F11R: variants seen among roughly 807,000 people sequenced by gnomAD.
F11R encodes the protein F11 receptor, also known as junctional adhesion molecule A.
Under a neutral mutation model 39.3 loss-of-function variants are expected in F11R, and 27 were observed. That is an observed-to-expected ratio of 0.69 (90% confidence interval 0.51 to 0.95). F11R has a LOEUF of 0.95. Among genes scored for constraint, F11R ranks in the 40% least tolerant of loss-of-function variants. The pLI is 0.00. For missense variants in F11R, 335 were observed against 372.7 expected (o/e 0.90, Z 0.83); for synonymous variants, 131 against 144.9 (o/e 0.90, Z 0.69).
intron 1 of F11R, among the ~76,000 whole-genome samples, chr1:161,011,096 GA>G (rs1398018860): frequency 6.6e-6 from 1 of 151,588 alleles, no homozygotes; most frequent in Non-Finnish European, 1.5e-5. Context: ...GCAGTGGCGC[GA>G]TTGTGGCTCA....
intron 6 of F11R, 53 bp downstream of exon 6, chr1:160,999,823 A>G: frequency 1.2e-6 from 2 of 1,608,586 alleles, no homozygotes; most frequent in South Asian, 2.2e-5. Flanking sequence ...TGGCAGGATG[A>G]AAAGCAGACC....
chr1:161,015,560 C>T (rs981592332), intron 1 of F11R, among the ~76,000 whole-genome samples: 5 of 148,862 alleles, frequency 3.4e-5, no homozygotes, highest in Admixed American at 2.7e-4. Flanking sequence ...CACTGGACTC[C>T]TCCCTGGGCA....
intron 1 of F11R, among the ~76,000 whole-genome samples, chr1:161,004,726 TAAG>T (rs1648701155): frequency 6.7e-6 from 1 of 148,768 alleles, no homozygotes; most frequent in Non-Finnish European, 1.5e-5. Context: ...CTAAAAAACA[TAAG>T]AAAAGAAAAC....
Position 161,000,276 on chromosome 1 carries a change from G to C in F11R, c.461C>G (p.Ser154Ter). The C allele has an allele frequency of 6.2e-7, 1 of 1,614,132 alleles. No individual in the cohort carries two copies. Among genetic ancestry groups the C allele is most frequent in the Non-Finnish European group, 8.5e-7 (1 of 1,180,018 alleles). Reference protein sequence around the residue: ...TIGNRAVLTCSEQDGSPPSEY... With the variant: ...TIGNRAVLTC ...AGAAGGTGGGGAACCATCTTGTTCTGAGCATGTCAGCACTGCCCGGTTCCC... is the reference window on the plus strand; with the variant it reads ...AGAAGGTGGGGAACCATCTTGTTCTCAGCATGTCAGCACTGCCCGGTTCCC... The change falls in exon 5 of 10, where the codon TCA (serine) becomes TGA (stop). Residue 154 changes from serine (S) to a stop codon, truncating the protein, a stop_gained. Transcript: ENST00000368026. LOFTEE classifies it high-confidence loss of function.
Position 160,999,887 on chromosome 1 carries a change from C to T in F11R, c.683G>A (p.Arg228His), listed in dbSNP as rs147266047. Residue 228 changes from arginine to histidine, a missense_variant, in exon 6 of 10, where the codon CGC becomes CAC. By Grantham distance (29) the Arg-to-His change is conservative. Transcript: ENST00000368026. ...YGTPMTSNAV[R>H]MEAVERNVGV... ...GCCCTAACTCTCACCAGCTTCCATG[C>T]GCACAGCATTTGAAGTCATGGGTGT... 1.4e-4 allele frequency: 228 copies of T among 1,613,962 alleles called. No individual in the cohort carries two copies. Among genetic ancestry groups the T allele is most frequent in the East Asian group, 1.8e-4 (8 of 44,904 alleles).
In F11R at chr1:160,999,029, G is replaced by A. The variant is rs764558127; in HGVS notation, c.864+14C>T. ...CCCAGGTGGCCCACCCCTGCCCAGG[G>A]GAGGCATACTCACTTCACTTCGGGC... is the stretch of plus-strand genomic sequence containing the variant. On this transcript the variant is annotated intron_variant, in intron 9 of 9. Transcript: ENST00000368026. The A allele has an allele frequency of 6.2e-7, 1 of 1,614,216 alleles. No individual in the cohort carries two copies. The highest frequency in any genetic ancestry group is 8.5e-7 in the Non-Finnish European group (1 of 1,180,032).
In F11R at chr1:160,999,964, C is replaced by A. The variant is rs1425809380; in HGVS notation, c.606G>T (p.Leu202=). The part of the protein sequence containing the change: ...PTTGELVFDP[L]SASDTGEYSC... ...TGTATTCTCCAGTATCAGAGGCTGA[C>A]AGGGGATCAAAGACCTGAGGAAGGA... is the stretch of plus-strand genomic sequence containing the variant. Residue 202 remains leucine, a synonymous_variant, in exon 6 of 10, where the codon CTG becomes CTT. Coordinates refer to ENST00000368026, the MANE Select transcript of F11R (RefSeq NM_016946.6). 1.1e-5 allele frequency: 18 copies of A among 1,614,038 alleles called. No individual in the cohort carries two copies. The Admixed American group carries it at 3.0e-4, about 27-fold the overall frequency.
chr1:161,012,472 T>C (rs1437151261), intron 1 of F11R, among the ~76,000 whole-genome samples: 1 of 151,466 alleles, frequency 6.6e-6, no homozygotes, highest in Non-Finnish European at 1.5e-5. Context: ...TAACAAAACA[T>C]AAAAGAAGAA....
At chr1:161,020,498 C>A (rs1649699479) in intron 1 of F11R, among the ~76,000 whole-genome samples, 1 of 152,210 alleles carries the variant, frequency 6.6e-6, no homozygotes, top group African/African-American at 2.4e-5. Flanking sequence ...TTCAGAAGAG[C>A]CAGAGACTCC....
At chr1:161,015,506 A>T (rs1649414928) in intron 1 of F11R, among the ~76,000 whole-genome samples, 1 of 150,032 alleles carries the variant, frequency 6.7e-6, no homozygotes, top group Admixed American at 6.7e-5. Flanking sequence ...CAGGAGAATC[A>T]CTTGAACCTG....
At chr1:161,005,693 T>G (rs1187654405) in intron 1 of F11R, among the ~76,000 whole-genome samples, 1 of 151,750 alleles carries the variant, frequency 6.6e-6, no homozygotes, top group Non-Finnish European at 1.5e-5. Context: ...ACTTTTACAA[T>G]TTTTTTGTAG....
rs375607481 is a variant in F11R at position 161,021,004 on chromosome 1, A to T, written c.64+6T>A. 32 of 1,613,928 alleles carry T rather than the reference A, an allele frequency of 2.0e-5. No homozygotes were observed. The highest frequency in any genetic ancestry group is 2.7e-5 in the Non-Finnish European group (32 of 1,179,918). ...ACCGATTCCTCCCGAAACTCTGGGA[A>T]CTTACACAACAGGATCGCCAATATG... On this transcript the variant is annotated splice_donor_region_variant and intron_variant, in intron 1 of 9. Coordinates refer to ENST00000368026, the MANE Select transcript of F11R (RefSeq NM_016946.6).
At chr1:161,009,739 G>A (rs1348892439) in intron 1 of F11R, among the ~76,000 whole-genome samples, 2 of 151,850 alleles carry the variant, frequency 1.3e-5, no homozygotes, top group South Asian at 2.1e-4. Context: ...AGGCCGATGT[G>A]GGTGGATTGC....
intron 2 of F11R, 36 bp from the exon 3 acceptor site, chr1:161,001,163 C>T: frequency 1.2e-6 from 2 of 1,606,364 alleles, no homozygotes; most frequent in Non-Finnish European, 1.7e-6. Flanking sequence ...AAGGAAGAAG[C>T]AGCAGCAAAT....
At chr1:161,014,836 A>G (rs7542911) in intron 1 of F11R, among the ~76,000 whole-genome samples, 122,746 of 150,938 alleles carry the variant, frequency 0.81, 50,169 homozygotes, top group African/African-American at 0.88. Context: ...TTGGGAGGCC[A>G]ATGGGGGCAG....
intron 1 of F11R, among the ~76,000 whole-genome samples, chr1:161,018,694 G>A (rs1336290849): frequency 2.0e-5 from 3 of 152,142 alleles, no homozygotes; most frequent in African/African-American, 4.8e-5. Flanking sequence ...CAGGTATGGT[G>A]GCCCAGCTCC....
intron 7 of F11R, 95 bp downstream of exon 7, chr1:160,999,545 T>C (rs1648335492): frequency 6.6e-7 from 1 of 1,504,348 alleles, no homozygotes; most frequent in Admixed American, 1.7e-5. Context: ...CCCACACACA[T>C]GAGCACAGTA....
At chr1:161,003,216 C>T (rs12743772) in intron 1 of F11R, among the ~76,000 whole-genome samples, 85,019 of 150,602 alleles carry the variant, frequency 0.56, 24,808 homozygotes, top group African/African-American at 0.71. Flanking sequence ...CTCCACCTTC[C>T]GGGTTCAAGG....
intron 1 of F11R, among the ~76,000 whole-genome samples, 156 bp downstream of exon 1, chr1:161,020,854 G>A (rs1325130612): frequency 6.6e-6 from 1 of 152,156 alleles, no homozygotes; most frequent in East Asian, 1.9e-4. Flanking sequence ...TGAGAGTGGT[G>A]AAAGAGGGAC....
Sources: gnomAD v4.1 joint callset for allele counts (sites outside exome capture counted in the v4.1 genomes callset) on GRCh38, gnomAD v4.1.1 for gene constraint, MANE v1.5 for transcripts, NCBI Gene and HGNC (gene_info 2026-07-23, HGNC 2026-07-21) for gene names.